The following ZNF98 variants were observed in gnomAD, a reference collection of about 807,000 sequenced individuals.
ZNF98 encodes zinc finger protein 739.
ZNF98 carries 8 observed loss-of-function variants against 12.8 expected under a neutral mutation model. The observed-to-expected ratio is 0.63, with a 90% CI of 0.37 to 1.13. The LOEUF is 1.13. Ranked by LOEUF, ZNF98 falls within the 50% of genes most tolerant of loss-of-function variation. ZNF98 has a pLI of 0.01. For missense variants in ZNF98, 379 were observed against 666.1 expected, an observed-to-expected ratio of 0.57 and a Z score of 4.74; for synonymous variants, 112 against 223.5, an observed-to-expected ratio of 0.50 and a Z score of 4.45.
At chr19:22,402,326 TATA>T (rs1447998975) in intron 3 of ZNF98, 6 of 330,548 alleles carry the variant, frequency 1.8e-5, no homozygotes, top group South Asian at 3.2e-4. Context: ...ACTTCAAGAC[TATA>T]ATAAGACAGA....
chr19:22,419,743 T>C (rs1969683612), intron 1 of ZNF98, among the ~76,000 whole-genome samples: 1 of 152,164 alleles, frequency 6.6e-6, no homozygotes, highest in Non-Finnish European at 1.5e-5. Context: ...TATGGGACCA[T>C]TTCTAGGAGG....
intron 1 of ZNF98, among the ~76,000 whole-genome samples, chr19:22,409,276 T>C (rs1387736121): frequency 3.9e-5 from 6 of 152,082 alleles, no homozygotes; most frequent in Admixed American, 2.6e-4. Context: ...TTACATCTTA[T>C]ACAAAAATTT....
intron 1 of ZNF98, among the ~76,000 whole-genome samples, chr19:22,405,936 T>C (rs2145115872): frequency 6.6e-6 from 1 of 152,100 alleles, no homozygotes; most frequent in African/African-American, 2.4e-5. Context: ...GAACTCCAAC[T>C]CCAGCCAGGG....
At chr19:22,414,681 T>C (rs1969620204) in intron 1 of ZNF98, among the ~76,000 whole-genome samples, 1 of 151,686 alleles carries the variant, frequency 6.6e-6, no homozygotes, top group Non-Finnish European at 1.5e-5. Context: ...TAGCTAGCAC[T>C]ATGTAGAAGA....
At chr19:22,414,801 A>G (rs1221249224) in intron 1 of ZNF98, among the ~76,000 whole-genome samples, 1 of 152,124 alleles carries the variant, frequency 6.6e-6, no homozygotes, top group East Asian at 1.9e-4. Context: ...ATGAAATACC[A>G]TTCTAGACAC....
At chr19:22,410,466 TG>T (rs1264989443) in intron 1 of ZNF98, among the ~76,000 whole-genome samples, 17 of 152,294 alleles carry the variant, frequency 1.1e-4, no homozygotes, top group African/African-American at 4.1e-4. Flanking sequence ...TGGATTAAGC[TG>T]GAAGTCATCA....
intron 1 of ZNF98, among the ~76,000 whole-genome samples, chr19:22,420,400 T>C (rs917502475): frequency 6.6e-6 from 1 of 152,200 alleles, no homozygotes; most frequent in Non-Finnish European, 1.5e-5. Context: ...GGGATACTAT[T>C]TTTTCTTTCA....
chr19:22,396,780 A>G (rs1401331652), intron 3 of ZNF98, among the ~76,000 whole-genome samples: 1 of 152,190 alleles, frequency 6.6e-6, no homozygotes, highest in Non-Finnish European at 1.5e-5. Flanking sequence ...GTTTTACAAA[A>G]TGTACTTGAA....
At chr19:22,401,710 C>T (rs1969459282) in intron 3 of ZNF98, among the ~76,000 whole-genome samples, 1 of 150,872 alleles carries the variant, frequency 6.6e-6, no homozygotes, top group East Asian at 2.0e-4. Flanking sequence ...GTCTCAAACT[C>T]CTGACCTCAG....
chr19:22,400,850 G>A (rs2145112016), intron 3 of ZNF98, among the ~76,000 whole-genome samples: 1 of 147,368 alleles, frequency 6.8e-6, no homozygotes, highest in Middle Eastern at 3.4e-3. Flanking sequence ...CTACTCGGGA[G>A]GCAGAGGCAG....
intron 3 of ZNF98, among the ~76,000 whole-genome samples, chr19:22,401,947 C>A (rs1311124682): frequency 1.3e-5 from 2 of 149,976 alleles, no homozygotes; most frequent in African/African-American, 2.4e-5. Context: ...GAGGCCAAGG[C>A]AGGCGGATCA....
chr19:22,405,081 TA>T lies in ZNF98; in HGVS notation c.31-1570del, dbSNP rs1969504686. On this transcript the variant is annotated intron_variant, in intron 1 of 3. Transcript: ENST00000357774. Reference sequence around the variant, plus strand: ...GTAAGAAGCCATGATGTTGAGAATGTAAAGAAGACTCTGGTATATAGGAAAG... The same window carrying T: ...GTAAGAAGCCATGATGTTGAGAATGTAAGAAGACTCTGGTATATAGGAAAG... Among the ~76,000 whole-genome samples, 3 of 152,222 alleles carry T rather than the reference TA, an allele frequency of 2.0e-5. No homozygotes were observed. In the South Asian group the frequency reaches 6.2e-4, roughly 32 times the overall value.
At chr19:22,411,647 A>G (rs1299162337) in intron 1 of ZNF98, among the ~76,000 whole-genome samples, 1 of 152,248 alleles carries the variant, frequency 6.6e-6, no homozygotes, top group Non-Finnish European at 1.5e-5. Flanking sequence ...CTTAGCTGTT[A>G]ATATAATTTA....
chr19:22,393,654 C>G (rs1969358185), intron 3 of ZNF98, among the ~76,000 whole-genome samples: 1 of 152,012 alleles, frequency 6.6e-6, no homozygotes, highest in African/African-American at 2.4e-5. Flanking sequence ...GAAACTGGAT[C>G]CCTTCCTTAC....
At chr19:22,416,679 G>A (rs1969647403) in intron 1 of ZNF98, among the ~76,000 whole-genome samples, 1 of 152,046 alleles carries the variant, frequency 6.6e-6, no homozygotes, top group Non-Finnish European at 1.5e-5. Context: ...TTGAACCCAG[G>A]AGGCGAAGGT....
At chr19:22,399,971 T>C (rs931799330) in intron 3 of ZNF98, among the ~76,000 whole-genome samples, 1 of 151,884 alleles carries the variant, frequency 6.6e-6, no homozygotes, top group African/African-American at 2.4e-5. Context: ...ATGGAGGGAG[T>C]TGTGAAACTC....
In ZNF98 at chr19:22,391,350, C is replaced by T; in HGVS notation, c.*166G>A. On this transcript the variant is annotated 3_prime_UTR_variant, in exon 4 of 4. Coordinates refer to ENST00000357774, the MANE Select transcript of ZNF98 (RefSeq NM_001098626.2). ...CTTTTTTACTTTCTTTATATTTGTA[C>T]ATTTGTTCTCATCAAGTATAAAGGC... 7.4e-7 allele frequency: 1 copy of T among 1,359,104 alleles called. No individual in the cohort carries two copies. Among genetic ancestry groups the T allele is most frequent in the Non-Finnish European group, 9.8e-7 (1 of 1,019,310 alleles). 84.2% of individuals were successfully genotyped at this position (1,359,104 alleles called of 1,614,324 possible).
At chr19:22,406,540 AGGTGT>A (rs1225870170) in intron 1 of ZNF98, among the ~76,000 whole-genome samples, 8 of 152,164 alleles carry the variant, frequency 5.3e-5, no homozygotes, top group Non-Finnish European at 1.2e-4. Context: ...CGCTGAAGCC[AGGTGT>A]GGTGGCTCAT....
intron 2 of ZNF98, 125 bp from the exon 3 acceptor site, chr19:22,403,009 A>C: frequency 1.4e-6 from 1 of 705,464 alleles, no homozygotes. Context: ...AATACACAAC[A>C]AAAAATTTTA....
Sources: allele counts gnomAD v4.1 joint callset (sites outside exome capture counted in the v4.1 genomes callset), GRCh38; gene constraint gnomAD v4.1.1; transcripts MANE v1.5; gene names NCBI Gene and HGNC (gene_info 2026-07-23, HGNC 2026-07-21).